The following CCDC68 variants were observed in gnomAD, a reference collection of about 807,000 sequenced individuals.
CCDC68 encodes the protein coiled-coil domain-containing protein 68.
Under a neutral mutation model 47.1 loss-of-function variants are expected in CCDC68, and 45 were observed. The observed-to-expected ratio is 0.96, with a 90% confidence interval of 0.75 to 1.23. The LOEUF is 1.23. CCDC68 is among the 50% of genes most tolerant of loss of function. The probability of loss-of-function intolerance (pLI) is 0.00; values close to 1 mark genes in which losing one functional copy is unlikely to be tolerated. For missense variants in CCDC68, 353 were observed against 373.6 expected, an observed-to-expected ratio of 0.94 and a Z score of 0.45; for synonymous variants, 131 against 129.5, an observed-to-expected ratio of 1.01 and a Z score of -0.08.
chr18:54,956,102 GCCTCAGCCTCC>G (rs1255889246), intron 1 of CCDC68, among the ~76,000 whole-genome samples: 1 of 151,324 alleles, frequency 6.6e-6, no homozygotes, highest in Admixed American at 6.6e-5. Context: ...CGATTCTCCT[GCCTCAGCCTCC>G]CGAGTAGCTG....
rs574693747 is a variant in CCDC68 at position 54,942,756 on chromosome 18, TG to T, written c.35del (p.Pro12GlnfsTer26). The T allele has an allele frequency of 3.7e-6, 6 of 1,612,176 alleles. No homozygotes were observed. The highest frequency in any genetic ancestry group is 5.1e-6 in the Non-Finnish European group (6 of 1,178,978). ...CAGAATTATCTTCCATCTTATCCCT[TG>T]GGGGAATTTCTGTGGTCACTGTCAC... ...TTVTVTTEIP[P>X]RDKMEDNSAL... On this transcript the variant is annotated frameshift_variant, in exon 3 of 12. Coordinates refer to ENST00000591504, the MANE Select transcript of CCDC68 (RefSeq NM_025214.3). LOFTEE classifies it high-confidence loss of function.
chr18:54,915,822 G>A (rs932470790), intron 10 of CCDC68, among the ~76,000 whole-genome samples: 1 of 152,020 alleles, frequency 6.6e-6, no homozygotes, highest in East Asian at 1.9e-4. Flanking sequence ...CCAGGTACTC[G>A]GGAGGCTGAG....
intron 10 of CCDC68, among the ~76,000 whole-genome samples, chr18:54,912,090 C>A (rs1158698140): frequency 1.3e-5 from 2 of 152,106 alleles, no homozygotes; most frequent in African/African-American, 4.8e-5. Context: ...TTTTTGCATA[C>A]TTAATATTTT....
chr18:54,904,287 A>T lies in CCDC68; in HGVS notation c.*71T>A, dbSNP rs1913853200. 8.1e-7 allele frequency: 1 copy of T among 1,239,800 alleles called. No homozygotes were observed. The highest frequency in any genetic ancestry group is 1.2e-6 in the Non-Finnish European group (1 of 847,744). The allele number at this position is 1,239,800 out of a possible 1,614,324, so 76.8% of individuals were successfully genotyped here. A position where few individuals can be genotyped will look rare whatever the true frequency, so the allele number is the denominator to read the frequency against. ...TGGCATTTTGCCATTTTAACATGAA[A>T]CTTGGGCTGTGTTTCAGAGAATAAA... On this transcript the variant is annotated 3_prime_UTR_variant, in exon 12 of 12. Transcript: ENST00000591504.
At chr18:54,934,324 T>C (rs1454185473) in intron 7 of CCDC68, among the ~76,000 whole-genome samples, 2 of 152,210 alleles carry the variant, frequency 1.3e-5, no homozygotes, top group Non-Finnish European at 2.9e-5. Context: ...AGTTCCAATT[T>C]CTATAGAATA....
chr18:54,936,722 G>T, intron 6 of CCDC68, 111 bp downstream of exon 6: 1 of 1,339,222 alleles, frequency 7.5e-7, no homozygotes. Flanking sequence ...CAAGTCTTTT[G>T]CCAAGTCACT....
intron 10 of CCDC68, among the ~76,000 whole-genome samples, chr18:54,908,911 A>T (rs1944379): frequency 0.98 from 149,583 of 152,234 alleles, 73,564 homozygotes; most frequent in East Asian, 1. Flanking sequence ...GGTTTCACCA[A>T]GTTGCTCACA....
chr18:54,951,598 T>G (rs2044621110), intron 1 of CCDC68, among the ~76,000 whole-genome samples: 1 of 152,212 alleles, frequency 6.6e-6, no homozygotes, highest in Non-Finnish European at 1.5e-5. Context: ...CTTACCACTT[T>G]GCCTCTGCTA....
intron 1 of CCDC68, among the ~76,000 whole-genome samples, chr18:54,950,955 C>T (rs1269490687): frequency 8.7e-6 from 1 of 114,704 alleles, no homozygotes; most frequent in Non-Finnish European, 1.6e-5. Flanking sequence ...GTCGCCCAGG[C>T]TGGAGTGCAG....
At chr18:54,938,336 T>A (rs2044383432) in intron 4 of CCDC68, among the ~76,000 whole-genome samples, 1 of 152,238 alleles carries the variant, frequency 6.6e-6, no homozygotes, top group African/African-American at 2.4e-5. Flanking sequence ...ACTTTTATAT[T>A]TTCTATAGTT....
intron 10 of CCDC68, among the ~76,000 whole-genome samples, chr18:54,910,910 CA>C (rs1283246445): frequency 6.6e-6 from 1 of 152,206 alleles, no homozygotes; most frequent in Non-Finnish European, 1.5e-5. Flanking sequence ...TCCGAGCCTG[CA>C]AGGGCAAGGG....
intron 8 of CCDC68, among the ~76,000 whole-genome samples, chr18:54,921,922 T>G (rs1249859017): frequency 2.0e-5 from 3 of 152,224 alleles, no homozygotes; most frequent in Non-Finnish European, 2.9e-5. Flanking sequence ...TTTGATCTTT[T>G]TCTCTTAGAG....
At chr18:54,906,694 G>T (rs1914028802) in intron 11 of CCDC68, among the ~76,000 whole-genome samples, 1 of 152,162 alleles carries the variant, frequency 6.6e-6, no homozygotes, top group Admixed American at 6.5e-5. Flanking sequence ...CCCAACTGAA[G>T]TGACTCGACT....
chr18:54,917,778 A>ACAGGCATACAATG, intron 10 of CCDC68, 135 bp downstream of exon 10: 1 of 655,498 alleles, frequency 1.5e-6, no homozygotes, highest in Admixed American at 3.1e-5. Flanking sequence ...GTAGTGTTAT[A>ACAGGCATACAATG]CAGGCATACA....
At chr18:54,948,987 TTTTG>T (rs910088648) in intron 1 of CCDC68, among the ~76,000 whole-genome samples, 3 of 151,996 alleles carry the variant, frequency 2.0e-5, no homozygotes, top group Admixed American at 6.6e-5. Context: ...AGAGCAGTGT[TTTTG>T]TTTGTTTGTT....
intron 11 of CCDC68, 89 bp from the exon 12 acceptor site, chr18:54,904,504 T>A: frequency 9.9e-7 from 1 of 1,013,618 alleles, no homozygotes; most frequent in Non-Finnish European, 1.5e-6. Flanking sequence ...ACCACAATAC[T>A]ATTCACATCA....
intron 4 of CCDC68, among the ~76,000 whole-genome samples, chr18:54,938,705 G>C (rs1181679425): frequency 2.0e-5 from 3 of 152,260 alleles, no homozygotes; most frequent in Non-Finnish European, 4.4e-5. Context: ...CCATTTTACA[G>C]ATGTAGAAAC....
chr18:54,923,666 C>T (rs2044099154), intron 8 of CCDC68, among the ~76,000 whole-genome samples: 1 of 151,468 alleles, frequency 6.6e-6, no homozygotes, highest in Admixed American at 6.6e-5. Flanking sequence ...TAAGCTGCCA[C>T]TTGATCTTCT....
At position 54,919,288 on chromosome 18, in the gene CCDC68, G is replaced by C; in HGVS notation, c.772C>G (p.Arg258Gly). 2 of 1,613,176 alleles carry C rather than the reference G, an allele frequency of 1.2e-6. No homozygotes were observed. Reference sequence around the variant, plus strand: ...AATCTGACCTCCTGGATGACACTGCGCAGGTTCTGATGTTGGGAGTGAATC... The same window carrying C: ...AATCTGACCTCCTGGATGACACTGCCCAGGTTCTGATGTTGGGAGTGAATC... The part of the protein sequence containing the change: ...FVIHSQHQNL[R>G]SVIQEMEGLK... The change falls in exon 9 of 12, where the codon CGC (arginine) becomes GGC (glycine). Residue 258 changes from arginine (R) to glycine (G), a missense_variant. Arg to Gly is a moderately radical substitution (Grantham distance 125, BLOSUM62 -2). Coordinates refer to ENST00000591504, the MANE Select transcript of CCDC68 (RefSeq NM_025214.3).
Sources: gnomAD v4.1 joint callset for allele counts (sites outside exome capture counted in the v4.1 genomes callset) on GRCh38, gnomAD v4.1.1 for gene constraint, MANE v1.5 for transcripts, NCBI Gene and HGNC (gene_info 2026-07-23, HGNC 2026-07-21) for gene names.